The following IQGAP2 variants were observed in gnomAD, a reference collection of about 807,000 sequenced individuals.
The protein encoded by IQGAP2 is IQ motif containing GTPase activating protein 2, also known as ras GTPase-activating-like protein IQGAP2.
A neutral mutation model predicts 201.3 loss-of-function variants in IQGAP2; 173 were observed. The ratio of observed to expected loss-of-function variants is 0.86; its 90% CI spans 0.76 to 0.98. The LOEUF (loss-of-function observed/expected upper bound fraction) is 0.98, where lower values mean the gene tolerates loss of function less well. Among genes scored for constraint, IQGAP2 ranks in the 50% least tolerant of loss-of-function variants. The pLI is 0.00. For synonymous variants in IQGAP2, 675 were observed against 673.9 expected (o/e 1.00, Z -0.03); for missense variants, 1,687 against 1,864.8 (o/e 0.90, Z 1.76).
At chr5:76,470,728 T>A (rs1755053866) in intron 2 of IQGAP2, among the ~76,000 whole-genome samples, 1 of 152,310 alleles carries the variant, frequency 6.6e-6, no homozygotes, top group South Asian at 2.1e-4. Context: ...TGATTTTTTT[T>A]AATTGGGAGC....
intron 5 of IQGAP2, among the ~76,000 whole-genome samples, chr5:76,587,573 T>A (rs1746336917): frequency 6.6e-6 from 1 of 152,210 alleles, no homozygotes; most frequent in African/African-American, 2.4e-5. Flanking sequence ...AGTGGTGATT[T>A]TCTGTGTAAT....
chr5:76,543,203 CT>C (rs562692905), intron 2 of IQGAP2, among the ~76,000 whole-genome samples: 2 of 152,166 alleles, frequency 1.3e-5, no homozygotes, highest in Admixed American at 1.3e-4. Context: ...ACAGAGCTGG[CT>C]GTACTGCTGC....
At chr5:76,522,228 T>C (rs1379726567) in intron 2 of IQGAP2, among the ~76,000 whole-genome samples, 1 of 151,232 alleles carries the variant, frequency 6.6e-6, no homozygotes, top group Non-Finnish European at 1.5e-5. Flanking sequence ...TGTCGCCCAG[T>C]CTGGAGTACA....
chr5:76,409,233 T>C (rs1054408561), intron 1 of IQGAP2, among the ~76,000 whole-genome samples: 3 of 142,020 alleles, frequency 2.1e-5, no homozygotes, highest in Non-Finnish European at 3.0e-5. Flanking sequence ...CAGCATAGAA[T>C]ACATGGGCTT....
At chr5:76,450,916 C>CT (rs967215641) in intron 1 of IQGAP2, among the ~76,000 whole-genome samples, 5 of 151,990 alleles carry the variant, frequency 3.3e-5, no homozygotes, top group Non-Finnish European at 4.4e-5. Flanking sequence ...TTTTGGCAAT[C>CT]TTTTTTAAAT....
intron 1 of IQGAP2, among the ~76,000 whole-genome samples, chr5:76,415,978 G>A (rs80180642): frequency 0.015 from 2,235 of 151,744 alleles, 66 homozygotes; most frequent in African/African-American, 0.05. Context: ...AAAGTGTGTA[G>A]GAAGCAGATC....
At chr5:76,627,568 T>C (rs2431353) in intron 14 of IQGAP2, 68 bp downstream of exon 14, 432,193 of 796,574 alleles carry the variant, frequency 0.54, 119,142 homozygotes, top group Middle Eastern at 0.6. Flanking sequence ...TGAAGTCATG[T>C]GATTTTTAAT....
chr5:76,696,365 G>C (rs1359036542), intron 32 of IQGAP2, among the ~76,000 whole-genome samples: 2 of 152,152 alleles, frequency 1.3e-5, no homozygotes, highest in Non-Finnish European at 2.9e-5. Flanking sequence ...GTTCAGACTT[G>C]AAGATTAGTT....
At chr5:76,682,543 G>GT (rs1724097728) in intron 28 of IQGAP2, among the ~76,000 whole-genome samples, 1 of 151,768 alleles carries the variant, frequency 6.6e-6, no homozygotes, top group African/African-American at 2.4e-5. Flanking sequence ...ACTGTTTCCT[G>GT]TAAGACCTGG....
intron 20 of IQGAP2, among the ~76,000 whole-genome samples, chr5:76,656,225 G>GT (rs34793452): frequency 5.0e-4 from 75 of 150,336 alleles, no homozygotes; most frequent in African/African-American, 9.3e-4. Context: ...TTTGTTTTTT[G>GT]TTTTTTTTTT....
chr5:76,511,891 A>G (rs4543246), intron 2 of IQGAP2, among the ~76,000 whole-genome samples: 110,846 of 145,836 alleles, frequency 0.76, 42,511 homozygotes, highest in East Asian at 0.96. Flanking sequence ...CGTTTTAGCC[A>G]GGATGGTCTC....
At chr5:76,699,643 CT>C (rs1747111810) in intron 33 of IQGAP2, 1 of 124,616 alleles carries the variant, frequency 8.0e-6, no homozygotes, top group Non-Finnish European at 1.7e-5. Context: ...CTCTCTCTCT[CT>C]CTCTCTCTCT....
intron 1 of IQGAP2, among the ~76,000 whole-genome samples, chr5:76,433,144 G>A (rs527948846): frequency 2.2e-4 from 34 of 152,248 alleles, no homozygotes; most frequent in Admixed American, 5.9e-4. Context: ...TTTCTCTCAC[G>A]TTTACTCTGA....
rs766613037 is a variant in IQGAP2 at position 76,627,495 on chromosome 5, A to G, written c.1607A>G (p.Lys536Arg). 6.5e-7 allele frequency: 1 copy of G among 1,538,552 alleles called. No individual in the cohort carries two copies. Among genetic ancestry groups the G allele is most frequent in the Non-Finnish European group, 9.0e-7 (1 of 1,111,976 alleles). ...GCCAACGTGGACAAGGACAGAGCAA[A>G]ACAATGTAAGCCCTCACCTCCTTTG... Reference protein sequence around the residue: ...DDANVDKDRAKQWVTLVVDVN... With the variant: ...DDANVDKDRARQWVTLVVDVN... The change falls in exon 14 of 36, where the codon AAA becomes AGA. Residue 536 changes from lysine to arginine, a missense_variant. By Grantham distance (26) the Lys-to-Arg change is conservative. Transcript: ENST00000274364.
chr5:76,606,394 C>CA, intron 12 of IQGAP2, 91 bp downstream of exon 12: 1 of 1,189,286 alleles, frequency 8.4e-7, no homozygotes, highest in Non-Finnish European at 1.1e-6. Flanking sequence ...TAAGTTTTTG[C>CA]TCAAGGAACT....
At chr5:76,614,060 A>C (rs780552926) in intron 13 of IQGAP2, among the ~76,000 whole-genome samples, 1 of 152,178 alleles carries the variant, frequency 6.6e-6, no homozygotes, top group Non-Finnish European at 1.5e-5. Flanking sequence ...CTGAGGACAA[A>C]TAGAGACAGA....
At chr5:76,589,520 G>A (rs1297923547) in intron 6 of IQGAP2, 95 bp from the exon 7 acceptor site, 1 of 641,056 alleles carries the variant, frequency 1.6e-6, no homozygotes, top group Non-Finnish European at 2.6e-6. Context: ...ACTTCCTGAT[G>A]AAGACATTTC....
intron 2 of IQGAP2, among the ~76,000 whole-genome samples, chr5:76,529,348 G>T (rs1221063454): frequency 4.6e-5 from 7 of 152,104 alleles, no homozygotes; most frequent in African/African-American, 1.7e-4. Flanking sequence ...TATTTTTGAG[G>T]GCTGGGCGCA....
chr5:76,483,166 T>C (rs1366053668), intron 2 of IQGAP2, among the ~76,000 whole-genome samples: 1 of 152,224 alleles, frequency 6.6e-6, no homozygotes, highest in African/African-American at 2.4e-5. Context: ...TTATTGATAG[T>C]GTTTGCACGT....
Sources: allele counts gnomAD v4.1 joint callset (sites outside exome capture counted in the v4.1 genomes callset), GRCh38; gene constraint gnomAD v4.1.1; transcripts MANE v1.5; gene names NCBI Gene and HGNC (gene_info 2026-07-23, HGNC 2026-07-21).